Variants in KDM1A observed in about 807,000 individuals in gnomAD.
KDM1A encodes the protein lysine demethylase 1A.
In KDM1A, 49 loss-of-function variants were observed where a neutral mutation model predicts 109.4. The observed-to-expected ratio is 0.45, with a 90% CI of 0.36 to 0.57. KDM1A has a LOEUF of 0.57. KDM1A is among the 20% of genes least tolerant of loss of function. KDM1A has a pLI of 0.00. For missense variants in KDM1A, 668 were observed against 1,116.6 expected (o/e 0.60, Z 5.73); for synonymous variants, 380 against 415.4 (o/e 0.91, Z 1.04).
chr1:23,030,086 T>C (rs1045601938), intron 1 of KDM1A, among the ~76,000 whole-genome samples: 1 of 152,238 alleles, frequency 6.6e-6, no homozygotes, highest in Admixed American at 6.5e-5. Context: ...AGACTTGGCT[T>C]TAGACAGACT....
In KDM1A at chr1:23,082,281, A is replaced by G. The variant is rs375857147; in HGVS notation, c.2360A>G (p.Tyr787Cys). Residue 787 changes from tyrosine to cysteine, a missense_variant, in exon 20 of 21, where the codon TAT (tyrosine) becomes TGT (cysteine). Physicochemically the swap from Tyr to Cys is radical, Grantham distance 194. Transcript: ENST00000400181. ...ADPWARGSYSYVAAGSSGNDY... is the reference protein window; with the variant it reads ...ADPWARGSYSCVAAGSSGNDY... ...CCCTGGGCTCGGGGCTCTTATTCCTATGTTGCTGCAGGATCATCTGGAAAT... is the reference window on the plus strand; with the variant it reads ...CCCTGGGCTCGGGGCTCTTATTCCTGTGTTGCTGCAGGATCATCTGGAAAT... The G allele has an allele frequency of 2.3e-5, 37 of 1,612,788 alleles. No homozygotes were observed. The highest frequency in any genetic ancestry group is 3.1e-5 in the Non-Finnish European group (37 of 1,179,748).
chr1:23,021,372 G>A (rs2124325067), intron 1 of KDM1A, among the ~76,000 whole-genome samples: 1 of 152,318 alleles, frequency 6.6e-6, no homozygotes, highest in South Asian at 2.1e-4. Context: ...TTTAAAAACA[G>A]ATTTATTGGC....
chr1:23,078,233 G>A (rs551390061), intron 16 of KDM1A, among the ~76,000 whole-genome samples: 1 of 152,310 alleles, frequency 6.6e-6, no homozygotes, highest in East Asian at 1.9e-4. Flanking sequence ...AGTTGACAGT[G>A]CTGAGAAGAT....
chr1:23,047,510 T>A (rs933492174), intron 3 of KDM1A, among the ~76,000 whole-genome samples: 3 of 152,216 alleles, frequency 2.0e-5, no homozygotes, highest in African/African-American at 7.2e-5. Context: ...TTAAAAATAC[T>A]TTGAAACTGC....
At position 23,019,470 on chromosome 1, in the gene KDM1A, C is replaced by G; in HGVS notation, c.-127C>G. ...CCCGGCGCGGCGGGAGCGCGCTTGG[C>G]GCGTGCGTACGCGACGGCGGTTGGC... On this transcript the variant is annotated 5_prime_UTR_variant, in exon 1 of 21. Coordinates refer to ENST00000400181, the MANE Select transcript of KDM1A (RefSeq NM_001009999.3). 8.1e-7 allele frequency: 1 copy of G among 1,238,590 alleles called. No individual in the cohort carries two copies. Among genetic ancestry groups the G allele is most frequent in the Non-Finnish European group, 1.0e-6 (1 of 982,926 alleles). 76.7% of individuals were successfully genotyped at this position (1,238,590 alleles called of 1,614,324 possible).
intron 2 of KDM1A, among the ~76,000 whole-genome samples, chr1:23,039,955 C>G (rs567410009): frequency 4.9e-4 from 74 of 152,306 alleles, no homozygotes; most frequent in Admixed American, 1.7e-3. Context: ...AAATAAGAAA[C>G]TCAATTAGTG....
chr1:23,082,610 T>C (rs956622368), intron 20 of KDM1A: 1 of 390,920 alleles, frequency 2.6e-6, no homozygotes, highest in African/African-American at 2.0e-5. Context: ...TTTTTCCTTA[T>C]TCAGGTTTTC....
At chr1:23,019,997 C>A in intron 1 of KDM1A, 50 bp downstream of exon 1, 1 of 1,416,804 alleles carries the variant, frequency 7.1e-7, no homozygotes, top group South Asian at 1.5e-5. Flanking sequence ...CCGAGCTTCC[C>A]CGAGGCTTCT....
chr1:23,044,685 G>T (rs1391259167), intron 3 of KDM1A, among the ~76,000 whole-genome samples, 199 bp downstream of exon 3: 1 of 152,158 alleles, frequency 6.6e-6, no homozygotes, highest in Non-Finnish European at 1.5e-5. Context: ...TCCTCAGGCC[G>T]ATCTCAGCCC....
chr1:23,058,928 C>T, intron 8 of KDM1A, 145 bp from the exon 9 acceptor site: 2 of 464,232 alleles, frequency 4.3e-6, no homozygotes, highest in Non-Finnish European at 7.4e-6. Flanking sequence ...CATATTTTTA[C>T]TTAGAGTGCT....
At position 23,049,101 on chromosome 1, in the gene KDM1A, G is replaced by A. The variant is rs140130813; in HGVS notation, c.578-1286G>A. ...CAGAAGGCAGAGGTTGCAGTGAGCC[G>A]AGATCGCGCTACTGCACTTCCAGCC... On this transcript the variant is annotated intron_variant, in intron 3 of 20. Transcript: ENST00000400181. 2.3e-3 allele frequency among the ~76,000 whole-genome samples: 311 copies of A among 133,250 alleles called. 5 individuals carry two copies. The highest frequency in any genetic ancestry group is 8.2e-3 in the African/African-American group (286 of 35,034). 87.4% of individuals were successfully genotyped at this position (133,250 alleles called of 152,430 possible). A position where few individuals can be genotyped will look rare whatever the true frequency, so the allele number is the denominator to read the frequency against.
chr1:23,062,658 G>C (rs1030593935), intron 9 of KDM1A, among the ~76,000 whole-genome samples: 1 of 152,124 alleles, frequency 6.6e-6, no homozygotes, highest in Admixed American at 6.6e-5. Flanking sequence ...CCCTCAAAAA[G>C]TTTACCTCTC....
In KDM1A at chr1:23,049,481, C is replaced by G. The variant is rs185955811; in HGVS notation, c.578-906C>G. 9.2e-4 allele frequency among the ~76,000 whole-genome samples: 139 copies of G among 151,702 alleles called. 2 individuals carry two copies. In the East Asian group the frequency reaches 0.022, roughly 24 times the overall value. On this transcript the variant is annotated intron_variant, in intron 3 of 20. Transcript: ENST00000400181. ...GGTGGATCACCTGAGGTCAGGAGTT[C>G]GAGACAAGCCTGGCCAACATGGTGA...
At chr1:23,020,261 C>T (rs1160904760) in intron 1 of KDM1A, 2 of 226,408 alleles carry the variant, frequency 8.8e-6, no homozygotes, top group African/African-American at 2.3e-5. Flanking sequence ...GAAAATGGCT[C>T]CCTGACGTGG....
chr1:23,044,027 T>G (rs1273029072), intron 2 of KDM1A, among the ~76,000 whole-genome samples: 1 of 152,308 alleles, frequency 6.6e-6, no homozygotes, highest in East Asian at 1.9e-4. Context: ...AAACGGATAT[T>G]AAGTTGATGC....
chr1:23,019,588 C>G lies in KDM1A; in HGVS notation c.-9C>G. 1 of 1,400,196 alleles carries G rather than the reference C, an allele frequency of 7.1e-7. No individual in the cohort carries two copies. Among genetic ancestry groups the G allele is most frequent in the Non-Finnish European group, 9.2e-7 (1 of 1,086,100 alleles). The allele number at this position is 1,400,196 out of a possible 1,614,324, so 86.7% of individuals were successfully genotyped here. A position where few individuals can be genotyped will look rare whatever the true frequency, so the allele number is the denominator to read the frequency against. On this transcript the variant is annotated 5_prime_UTR_variant, in exon 1 of 21. Coordinates refer to ENST00000400181, the MANE Select transcript of KDM1A (RefSeq NM_001009999.3). ...GCCCCTACGGCCGTCGGCGGCCCGGCGGCCCGAGATGTTATCTGGGAAGAA... is the reference window on the plus strand; with the variant it reads ...GCCCCTACGGCCGTCGGCGGCCCGGGGGCCCGAGATGTTATCTGGGAAGAA...
intron 10 of KDM1A, among the ~76,000 whole-genome samples, chr1:23,066,355 CA>C (rs1643160343): frequency 6.6e-6 from 1 of 152,180 alleles, no homozygotes; most frequent in South Asian, 2.1e-4. Flanking sequence ...AGAAACAGGT[CA>C]AATTTGGTCC....
intron 2 of KDM1A, among the ~76,000 whole-genome samples, chr1:23,033,519 T>TA (rs889718312): frequency 7.9e-5 from 12 of 151,470 alleles, no homozygotes; most frequent in East Asian, 3.9e-4. Context: ...GACTCCGCCT[T>TA]AAAAAAAAAT....
rs146653512 is a variant in KDM1A, at chr1:23,079,867, G to A, written c.2170+200G>A. ...CCAACTTAGTGGGGATACAGTAAGCGGGGAAGCAGGCTTAGAACAGGGCAG... is the reference window on the plus strand; with the variant it reads ...CCAACTTAGTGGGGATACAGTAAGCAGGGAAGCAGGCTTAGAACAGGGCAG... On this transcript the variant is annotated intron_variant, in intron 18 of 20. Transcript: ENST00000400181. The surrounding 1 kb of genome is among the most constrained non-coding windows in gnomAD (Gnocchi z 5.6). Among the ~76,000 whole-genome samples, 146 of 152,262 alleles carry A rather than the reference G, an allele frequency of 9.6e-4. No individual in the cohort carries two copies. Among genetic ancestry groups the A allele is most frequent in the African/African-American group, 3.2e-3 (133 of 41,530 alleles).
Sources: allele counts gnomAD v4.1 joint callset (sites outside exome capture counted in the v4.1 genomes callset), GRCh38; gene constraint gnomAD v4.1.1; non-coding constraint Gnocchi (gnomAD v3.1); transcripts MANE v1.5; gene names NCBI Gene and HGNC (gene_info 2026-07-23, HGNC 2026-07-21).